ASTN2: variants seen among roughly 807,000 people sequenced by gnomAD.
ASTN2 encodes astrotactin 2, also known as astrotactin-2.
In ASTN2, 54 loss-of-function variants were observed where a neutral mutation model predicts 139.8. That is an observed-to-expected ratio of 0.39 (90% confidence interval 0.31 to 0.48). ASTN2 has a LOEUF of 0.48. Among genes scored for constraint, ASTN2 ranks in the 20% least tolerant of loss-of-function variants. The probability of loss-of-function intolerance (pLI) is 0.95; values close to 1 mark genes in which losing one functional copy is unlikely to be tolerated. For missense variants in ASTN2, 1,565 were observed against 1,725.1 expected (o/e 0.91, Z 1.64); for synonymous variants, 756 against 719.5 (o/e 1.05, Z -0.81).
chr9:116,828,575 C>G (rs557342207), intron 11 of ASTN2, among the ~76,000 whole-genome samples: 74 of 152,078 alleles, frequency 4.9e-4, no homozygotes, highest in African/African-American at 1.7e-3. Flanking sequence ...CACACCTCAA[C>G]ATAGTAAAGG....
chr9:116,864,010 G>A (rs2026587), intron 10 of ASTN2, among the ~76,000 whole-genome samples: 132,034 of 152,074 alleles, frequency 0.87, 57,457 homozygotes, highest in East Asian at 0.94. Flanking sequence ...GCACTTTACC[G>A]TAAGGGAACT....
chr9:116,860,769 A>G (rs1832855951), intron 11 of ASTN2, among the ~76,000 whole-genome samples: 1 of 152,194 alleles, frequency 6.6e-6, no homozygotes, highest in South Asian at 2.1e-4. Flanking sequence ...CACATTCCTG[A>G]GGGAATCTAC....
intron 2 of ASTN2, among the ~76,000 whole-genome samples, chr9:117,229,987 C>T (rs561391032): frequency 2.0e-5 from 3 of 151,830 alleles, no homozygotes; most frequent in South Asian, 2.1e-4. Context: ...GATTGAGAAA[C>T]ATAGTGAAAC....
intron 10 of ASTN2, among the ~76,000 whole-genome samples, chr9:116,959,000 G>A (rs887184352): frequency 4.6e-5 from 7 of 152,176 alleles, no homozygotes; most frequent in African/African-American, 1.7e-4. Flanking sequence ...AGGAAGTGCA[G>A]TGAGGAGGTG....
intron 16 of ASTN2, chr9:116,686,893 A>T (rs1205661882): frequency 3.9e-5 from 60 of 1,525,774 alleles, no homozygotes; most frequent in Non-Finnish European, 3.8e-5. Flanking sequence ...CCGGTTCTCG[A>T]CTTCCCCAGA....
At chr9:116,534,246 C>T (rs1851505149) in intron 19 of ASTN2, among the ~76,000 whole-genome samples, 1 of 152,012 alleles carries the variant, frequency 6.6e-6, no homozygotes. Flanking sequence ...TTAGATTCTT[C>T]TCTCTTTTCT....
At position 117,115,852 on chromosome 9, in the gene ASTN2, C is replaced by T. The variant is rs1015520493; in HGVS notation, c.1169-19701G>A. ...TATCCTGGCTAACATGGTGAAAACC[C>T]GTCTCTACTAAAAATACAAAAAATT... On this transcript the variant is annotated intron_variant, in intron 4 of 22. Coordinates refer to ENST00000313400, the MANE Select transcript of ASTN2 (RefSeq NM_001365068.1). Among the ~76,000 whole-genome samples, 6 of 151,888 alleles carry T rather than the reference C, an allele frequency of 4.0e-5. No homozygotes were observed. The East Asian group carries it at 5.9e-4, about 15-fold the overall frequency.
At chr9:116,921,220 TAAACC>T (rs1167387921) in intron 10 of ASTN2, among the ~76,000 whole-genome samples, 1 of 152,122 alleles carries the variant, frequency 6.6e-6, no homozygotes, top group Non-Finnish European at 1.5e-5. Flanking sequence ...GGGATGCTCT[TAAACC>T]ATGAGAAACA....
At chr9:117,325,148 C>T (rs537201761) in intron 1 of ASTN2, among the ~76,000 whole-genome samples, 22 of 152,234 alleles carry the variant, frequency 1.4e-4, no homozygotes, top group Middle Eastern at 3.4e-3. Flanking sequence ...AGACAAGAGA[C>T]GCCATCTGAA....
In ASTN2 at chr9:116,513,021, G is replaced by A. The variant is rs1458248449; in HGVS notation, c.3356-25521C>T. On this transcript the variant is annotated intron_variant, in intron 19 of 22. Coordinates refer to ENST00000313400, the MANE Select transcript of ASTN2 (RefSeq NM_001365068.1). Reference sequence around the variant, plus strand: ...TTACATTTAAGGTTAATATTGTTATGTGTGAGTTTGATCCTGTCATTATGA... The same window carrying A: ...TTACATTTAAGGTTAATATTGTTATATGTGAGTTTGATCCTGTCATTATGA... Among the ~76,000 whole-genome samples, 6 of 152,298 alleles carry A rather than the reference G, an allele frequency of 3.9e-5. 1 individual carries two copies. In the South Asian group the frequency reaches 1.0e-3, roughly 26 times the overall value.
intron 16 of ASTN2, chr9:116,686,846 G>A (rs926028873): frequency 1.9e-6 from 3 of 1,549,702 alleles, no homozygotes; most frequent in African/African-American, 2.7e-5. Flanking sequence ...TCAGAGCACA[G>A]AACATGAGGC....
chr9:117,224,814 T>C (rs1161682892), intron 2 of ASTN2, among the ~76,000 whole-genome samples: 1 of 152,158 alleles, frequency 6.6e-6, no homozygotes, highest in African/African-American at 2.4e-5. Flanking sequence ...CCTCAGCTTG[T>C]GGGTCATGAG....
intron 6 of ASTN2, among the ~76,000 whole-genome samples, chr9:117,026,963 G>A (rs2132626228): frequency 6.6e-6 from 1 of 152,242 alleles, no homozygotes; most frequent in East Asian, 1.9e-4. Flanking sequence ...AAATATCAGA[G>A]GCAGGTATCA....
intron 5 of ASTN2, among the ~76,000 whole-genome samples, chr9:117,093,788 A>G (rs1828765990): frequency 6.6e-6 from 1 of 152,218 alleles, no homozygotes. Context: ...TGCGGCAGCA[A>G]CAACAACAAC....
At chr9:116,445,781 C>T (rs1351666543) in intron 20 of ASTN2, among the ~76,000 whole-genome samples, 1 of 152,192 alleles carries the variant, frequency 6.6e-6, no homozygotes, top group Non-Finnish European at 1.5e-5. Flanking sequence ...CTCAGTGACA[C>T]AATGATAATA....
At chr9:116,503,295 G>A (rs561594685) in intron 19 of ASTN2, among the ~76,000 whole-genome samples, 12 of 151,982 alleles carry the variant, frequency 7.9e-5, no homozygotes, top group South Asian at 2.1e-4. Flanking sequence ...ACCGCTACTC[G>A]GGGCAGATGA....
intron 4 of ASTN2, among the ~76,000 whole-genome samples, chr9:117,105,852 C>A (rs1564427985): frequency 6.6e-6 from 1 of 152,170 alleles, no homozygotes; most frequent in Non-Finnish European, 1.5e-5. Context: ...TTACTCTCTT[C>A]CCAAACACAG....
chr9:117,024,508 G>T (rs1041919505), intron 6 of ASTN2, among the ~76,000 whole-genome samples: 4 of 152,016 alleles, frequency 2.6e-5, no homozygotes, highest in African/African-American at 9.7e-5. Flanking sequence ...AAAGGGGGTG[G>T]TTATAAAAGT....
chr9:117,412,678 G>C lies in ASTN2; in HGVS notation c.442+1819C>G, dbSNP rs916607637. 4.6e-5 allele frequency among the ~76,000 whole-genome samples: 7 copies of C among 152,120 alleles called. 1 individual carries two copies. Among genetic ancestry groups the C allele is most frequent in the Middle Eastern group, 3.2e-3 (1 of 316 alleles). Reference sequence around the variant, plus strand: ...CATCCCTTCACTTGAATGGCCGTTTGGGGGGCGGGAGGATTTCCACCCCTC... The same window carrying C: ...CATCCCTTCACTTGAATGGCCGTTTCGGGGGCGGGAGGATTTCCACCCCTC... On this transcript the variant is annotated intron_variant, in intron 1 of 22. Coordinates refer to ENST00000313400, the MANE Select transcript of ASTN2 (RefSeq NM_001365068.1).
Sources: allele counts gnomAD v4.1 joint callset (sites outside exome capture counted in the v4.1 genomes callset), GRCh38; gene constraint gnomAD v4.1.1; transcripts MANE v1.5; gene names NCBI Gene and HGNC (gene_info 2026-07-23, HGNC 2026-07-21).